DOCK2: variants seen among roughly 807,000 people sequenced by gnomAD.
DOCK2 encodes dedicator of cytokinesis protein 2.
Under a neutral mutation model 248.9 loss-of-function variants are expected in DOCK2, and 87 were observed. That is an observed-to-expected ratio of 0.35 (90% confidence interval 0.29 to 0.42). The LOEUF (loss-of-function observed/expected upper bound fraction) is 0.42. DOCK2 is among the 10% of genes least tolerant of loss of function. The pLI, the probability that DOCK2 is intolerant of heterozygous loss-of-function variation, is 1.00. For missense variants in DOCK2, 1,747 were observed against 2,300.2 expected (o/e 0.76, Z 4.92); for synonymous variants, 805 against 821.6 (o/e 0.98, Z 0.35).
intron 2 of DOCK2, among the ~76,000 whole-genome samples, chr5:169,666,491 C>A (rs912812517): frequency 2.6e-5 from 4 of 152,132 alleles, no homozygotes; most frequent in African/African-American, 7.2e-5. Context: ...TGGTAAATGC[C>A]ATGTTACACT....
At position 169,916,350 on chromosome 5, in the gene DOCK2, C is replaced by T. The variant is rs565320053; in HGVS notation, c.2800-66718C>T. Among the ~76,000 whole-genome samples the T allele has an allele frequency of 3.3e-5, 5 of 152,314 alleles. No individual in the cohort carries two copies. The East Asian group carries it at 9.6e-4, about 29-fold the overall frequency. On this transcript the variant is annotated intron_variant, in intron 27 of 51. Transcript: ENST00000520908. ...AGGAACCAGCCACTTTGACAGGTGG[C>T]CTTTCATCAGGCTCATCAATGTCTT... is the stretch of plus-strand genomic sequence containing the variant.
chr5:169,852,022 G>T (rs1190385857), intron 27 of DOCK2, among the ~76,000 whole-genome samples: 1 of 152,180 alleles, frequency 6.6e-6, no homozygotes, highest in Non-Finnish European at 1.5e-5. Flanking sequence ...GGGGAAGCTG[G>T]TGCCAAAGCT....
At chr5:169,738,094 G>T (rs1300991547) in intron 22 of DOCK2, among the ~76,000 whole-genome samples, 8 of 152,206 alleles carry the variant, frequency 5.3e-5, no homozygotes, top group Admixed American at 5.2e-4. Context: ...TGTGTCCACT[G>T]CAGAATTCAT....
At chr5:169,735,928 G>A (rs981084449) in intron 22 of DOCK2, among the ~76,000 whole-genome samples, 9 of 151,686 alleles carry the variant, frequency 5.9e-5, no homozygotes, top group Admixed American at 6.6e-5. Context: ...GCATGCCTTA[G>A]CATGGCAGAG....
intron 26 of DOCK2, among the ~76,000 whole-genome samples, chr5:169,828,291 G>A (rs1769002935): frequency 6.6e-6 from 1 of 152,166 alleles, no homozygotes; most frequent in African/African-American, 2.4e-5. Flanking sequence ...ACCTCCCTTT[G>A]CTAGTAGTTT....
intron 44 of DOCK2, among the ~76,000 whole-genome samples, chr5:170,063,875 C>T (rs1175340530): frequency 1.3e-5 from 2 of 152,200 alleles, no homozygotes; most frequent in African/African-American, 4.8e-5. Flanking sequence ...CACAGATTCT[C>T]TCCCCAGCTT....
In DOCK2 at chr5:170,080,303, C is replaced by A. The variant is rs1291682345; in HGVS notation, c.5287+20C>A. ...TCCCAGGTATGCCCCCTGCTGCCACCAGCATGAGGGAGTAGAGATAGTGCA... is the reference window on the plus strand; with the variant it reads ...TCCCAGGTATGCCCCCTGCTGCCACAAGCATGAGGGAGTAGAGATAGTGCA... On this transcript the variant is annotated intron_variant, in intron 50 of 51. Transcript: ENST00000520908. 6.2e-7 allele frequency: 1 copy of A among 1,613,808 alleles called. No homozygotes were observed. The highest frequency in any genetic ancestry group is 1.3e-5 in the African/African-American group (1 of 75,056).
chr5:169,713,995 T>C, intron 17 of DOCK2, 33 bp from the exon 18 acceptor site: 1 of 1,556,730 alleles, frequency 6.4e-7, no homozygotes, highest in Non-Finnish European at 8.7e-7. Context: ...CATGGAGCCT[T>C]GGCTTGGGGC....
intron 45 of DOCK2, 120 bp from the exon 46 acceptor site, chr5:170,069,017 C>T (rs1757589725): frequency 1.2e-6 from 1 of 805,782 alleles, no homozygotes; most frequent in African/African-American, 1.7e-5. Flanking sequence ...CTTGTTCCAT[C>T]CACATGCCTG....
At chr5:170,046,707 C>T (rs1461310999) in intron 39 of DOCK2, among the ~76,000 whole-genome samples, 1 of 152,072 alleles carries the variant, frequency 6.6e-6, no homozygotes, top group Non-Finnish European at 1.5e-5. Context: ...ACACCTAATA[C>T]CTGCCCCGCG....
At chr5:169,737,620 G>A (rs930916172) in intron 22 of DOCK2, among the ~76,000 whole-genome samples, 4 of 152,114 alleles carry the variant, frequency 2.6e-5, no homozygotes, top group Non-Finnish European at 4.4e-5. Context: ...CTCCCCCATA[G>A]GGAGGGGAGA....
intron 27 of DOCK2, among the ~76,000 whole-genome samples, chr5:169,863,476 C>T (rs572247392): frequency 5.3e-5 from 8 of 152,322 alleles, no homozygotes; most frequent in African/African-American, 1.9e-4. Context: ...AAAACAGATT[C>T]CACCCATTTG....
intron 1 of DOCK2, among the ~76,000 whole-genome samples, chr5:169,638,727 T>C (rs1282153825): frequency 2.0e-5 from 3 of 152,216 alleles, no homozygotes; most frequent in African/African-American, 7.2e-5. Flanking sequence ...GACTGTAGTA[T>C]TTCATGGTTT....
At chr5:170,011,556 C>T (rs1475200379) in intron 32 of DOCK2, among the ~76,000 whole-genome samples, 4 of 152,196 alleles carry the variant, frequency 2.6e-5, no homozygotes, top group East Asian at 1.9e-4. Flanking sequence ...AAGAAAGAGC[C>T]GAAGAACCAG....
intron 44 of DOCK2, among the ~76,000 whole-genome samples, chr5:170,065,376 C>A (rs1231433130): frequency 6.6e-6 from 1 of 152,090 alleles, no homozygotes; most frequent in Non-Finnish European, 1.5e-5. Context: ...AAACAATGAA[C>A]AGAATGGCAT....
At chr5:169,815,143 C>T (rs1344803443) in intron 26 of DOCK2, among the ~76,000 whole-genome samples, 1 of 152,120 alleles carries the variant, frequency 6.6e-6, no homozygotes, top group Non-Finnish European at 1.5e-5. Context: ...AAGTCCTAGG[C>T]CAGGGTATAG....
intron 27 of DOCK2, among the ~76,000 whole-genome samples, chr5:169,891,936 C>T (rs1457008529): frequency 1.4e-5 from 2 of 145,988 alleles, no homozygotes; most frequent in Non-Finnish European, 3.0e-5. Context: ...GCGGAGGTTG[C>T]AGTGAGCCGA....
chr5:170,066,961 A>C (rs1342140974), intron 44 of DOCK2, among the ~76,000 whole-genome samples: 1 of 152,182 alleles, frequency 6.6e-6, no homozygotes, highest in Non-Finnish European at 1.5e-5. Flanking sequence ...TGCAAACTGC[A>C]CTTTTTGCCG....
chr5:169,909,995 T>C (rs1774504584), intron 27 of DOCK2, among the ~76,000 whole-genome samples: 1 of 152,170 alleles, frequency 6.6e-6, no homozygotes, highest in Non-Finnish European at 1.5e-5. Flanking sequence ...TTTTAATGAC[T>C]CTGCAAGTCA....
Sources: gnomAD v4.1 joint callset for allele counts (sites outside exome capture counted in the v4.1 genomes callset) on GRCh38, gnomAD v4.1.1 for gene constraint, MANE v1.5 for transcripts, NCBI Gene and HGNC (gene_info 2026-07-23, HGNC 2026-07-21) for gene names.